The following NKAIN3 variants were observed in gnomAD, a reference collection of about 807,000 sequenced individuals.
NKAIN3 encodes the protein sodium/potassium-transporting ATPase subunit beta-1-interacting protein 3.
Under a neutral mutation model 30.2 loss-of-function variants are expected in NKAIN3, and 25 were observed. That is an observed-to-expected ratio of 0.83 (90% confidence interval 0.60 to 1.16). The LOEUF is 1.16. Ranked by LOEUF, NKAIN3 falls within the 50% of genes most tolerant of loss-of-function variation. The pLI is 0.00. For missense variants in NKAIN3, 225 were observed against 254.1 expected, an observed-to-expected ratio of 0.89 and a Z score of 0.78; for synonymous variants, 91 against 89.6, an observed-to-expected ratio of 1.02 and a Z score of -0.09.
At chr8:62,803,500 G>T (rs549593530) in intron 4 of NKAIN3, among the ~76,000 whole-genome samples, 15 of 152,200 alleles carry the variant, frequency 9.9e-5, no homozygotes, top group East Asian at 1.9e-4. Context: ...TGAAAAACCT[G>T]CTCCTGAATG....
chr8:62,806,545 A>C (rs1159535067), intron 4 of NKAIN3, among the ~76,000 whole-genome samples: 1 of 152,164 alleles, frequency 6.6e-6, no homozygotes, highest in African/African-American at 2.4e-5. Flanking sequence ...TCAGTAAACT[A>C]TCAGAAGGAC....
intron 1 of NKAIN3, among the ~76,000 whole-genome samples, chr8:62,355,663 C>T (rs1318330080): frequency 1.3e-5 from 2 of 152,164 alleles, no homozygotes; most frequent in East Asian, 3.8e-4. Flanking sequence ...ATTACCCATA[C>T]ATACTTCAAT....
At chr8:62,898,287 A>G (rs941145922) in intron 4 of NKAIN3, among the ~76,000 whole-genome samples, 7 of 152,200 alleles carry the variant, frequency 4.6e-5, no homozygotes, top group African/African-American at 1.7e-4. Flanking sequence ...AGCATAATTC[A>G]CAATTGCAAA....
intron 5 of NKAIN3, among the ~76,000 whole-genome samples, chr8:62,950,789 G>A (rs532107501): frequency 6.6e-5 from 10 of 151,970 alleles, no homozygotes; most frequent in African/African-American, 2.4e-4. Flanking sequence ...CACTTTATCT[G>A]GTTTAGACTT....
chr8:62,577,208 C>A (rs1423657731), intron 1 of NKAIN3, among the ~76,000 whole-genome samples: 1 of 151,982 alleles, frequency 6.6e-6, no homozygotes, highest in Non-Finnish European at 1.5e-5. Flanking sequence ...CTTCCCACCT[C>A]AATTCATTTT....
At position 62,972,274 on chromosome 8, in the gene NKAIN3, C is replaced by T. The variant is rs1331390044; in HGVS notation, c.*6867C>T. The stretch of plus-strand genomic sequence containing the variant: ...CCCTTCATCTCTTTTTCTTCAAGAA[C>T]ATAATATCGGCTGAAGTGGAATGAG... On this transcript the variant is annotated 3_prime_UTR_variant, in exon 7 of 7. Coordinates refer to ENST00000623646, the MANE Select transcript of NKAIN3 (RefSeq NM_001304533.3). Among the ~76,000 whole-genome samples, 2 of 152,114 alleles carry T rather than the reference C, an allele frequency of 1.3e-5. No homozygotes were observed. The highest frequency in any genetic ancestry group is 3.9e-4 in the East Asian group (2 of 5,184).
At chr8:62,426,613 G>T (rs1355363014) in intron 1 of NKAIN3, among the ~76,000 whole-genome samples, 3 of 151,948 alleles carry the variant, frequency 2.0e-5, no homozygotes, top group Non-Finnish European at 4.4e-5. Flanking sequence ...TGTATCTGCA[G>T]TGCTTTCCCA....
intron 4 of NKAIN3, among the ~76,000 whole-genome samples, chr8:62,865,248 G>A (rs1218775123): frequency 6.6e-6 from 1 of 152,138 alleles, no homozygotes; most frequent in Non-Finnish European, 1.5e-5. Context: ...TGTTAGAAAT[G>A]GTTCCAGAAA....
intron 3 of NKAIN3, among the ~76,000 whole-genome samples, chr8:62,644,715 A>G (rs1812404410): frequency 6.6e-6 from 1 of 152,180 alleles, no homozygotes; most frequent in Non-Finnish European, 1.5e-5. Context: ...TTTCTTTAAT[A>G]ATACTTTTGA....
At chr8:62,728,385 G>T (rs1281428096) in intron 3 of NKAIN3, among the ~76,000 whole-genome samples, 3 of 152,156 alleles carry the variant, frequency 2.0e-5, no homozygotes, top group African/African-American at 7.2e-5. Context: ...CTCCATGGCC[G>T]GGTGCGGTGG....
At chr8:62,476,355 C>A (rs547552738) in intron 1 of NKAIN3, among the ~76,000 whole-genome samples, 2 of 151,886 alleles carry the variant, frequency 1.3e-5, no homozygotes, top group South Asian at 2.1e-4. Flanking sequence ...TGACTATTGC[C>A]ATGTTTTGTT....
At chr8:62,472,178 C>T (rs968905605) in intron 1 of NKAIN3, among the ~76,000 whole-genome samples, 2 of 152,094 alleles carry the variant, frequency 1.3e-5, no homozygotes, top group Admixed American at 6.6e-5. Flanking sequence ...GAGCTGAACT[C>T]GGTTACAGAT....
chr8:62,816,708 C>T (rs1006340481), intron 4 of NKAIN3, among the ~76,000 whole-genome samples: 5 of 152,086 alleles, frequency 3.3e-5, no homozygotes, highest in Non-Finnish European at 7.4e-5. Context: ...CTTCAGCCCT[C>T]AGAGTGGATA....
At chr8:62,515,416 T>A (rs1177679881) in intron 1 of NKAIN3, among the ~76,000 whole-genome samples, 1 of 152,126 alleles carries the variant, frequency 6.6e-6, no homozygotes, top group Non-Finnish European at 1.5e-5. Flanking sequence ...ATTGCCTCTA[T>A]CTCTCCCATG....
At chr8:62,391,771 T>C (rs1212827511) in intron 1 of NKAIN3, among the ~76,000 whole-genome samples, 1 of 151,990 alleles carries the variant, frequency 6.6e-6, no homozygotes, top group Non-Finnish European at 1.5e-5. Flanking sequence ...CTCTCATTGT[T>C]TAATGCATTA....
intron 3 of NKAIN3, among the ~76,000 whole-genome samples, chr8:62,694,007 T>C (rs1298819098): frequency 6.6e-6 from 1 of 152,204 alleles, no homozygotes; most frequent in African/African-American, 2.4e-5. Context: ...CAAGTGATGT[T>C]TTGATATGTG....
At chr8:62,289,322 C>T (rs1234073118) in intron 1 of NKAIN3, among the ~76,000 whole-genome samples, 1 of 152,154 alleles carries the variant, frequency 6.6e-6, no homozygotes, top group Non-Finnish European at 1.5e-5. Context: ...TTGCCCATGC[C>T]TATGTCCTGA....
chr8:62,554,938 T>C (rs908476730), intron 1 of NKAIN3, among the ~76,000 whole-genome samples: 1 of 151,784 alleles, frequency 6.6e-6, no homozygotes, highest in African/African-American at 2.4e-5. Context: ...TATTTTTCTT[T>C]TCCTGTTTGG....
intron 1 of NKAIN3, among the ~76,000 whole-genome samples, chr8:62,317,882 C>T (rs1254313409): frequency 1.3e-5 from 2 of 152,182 alleles, no homozygotes; most frequent in Admixed American, 1.3e-4. Context: ...CGGCCATTTT[C>T]ACGATATTGA....
Sources: allele counts gnomAD v4.1 joint callset (sites outside exome capture counted in the v4.1 genomes callset), GRCh38; gene constraint gnomAD v4.1.1; transcripts MANE v1.5; gene names NCBI Gene and HGNC (gene_info 2026-07-23, HGNC 2026-07-21).